Variants in LARP1 observed in about 807,000 individuals in gnomAD.
The protein encoded by LARP1 is La ribonucleoprotein 1, translational regulator.
In LARP1, 36 loss-of-function variants were observed where a neutral mutation model predicts 122.7. That is an observed-to-expected ratio of 0.29 (90% confidence interval 0.22 to 0.39). LARP1 has a LOEUF of 0.39. Ranked by LOEUF, LARP1 falls within the 10% of genes least tolerant of loss-of-function variation. The pLI, the probability that LARP1 is intolerant of heterozygous loss-of-function variation, is 1.00. For synonymous variants in LARP1, 539 were observed against 528.7 expected, an observed-to-expected ratio of 1.02 and a Z score of -0.27; for missense variants, 1,040 against 1,403.6, an observed-to-expected ratio of 0.74 and a Z score of 4.14.
At chr5:154,692,769 T>C (rs1054308599) in intron 1 of LARP1, among the ~76,000 whole-genome samples, 1 of 152,074 alleles carries the variant, frequency 6.6e-6, no homozygotes, top group African/African-American at 2.4e-5. Context: ...GCACGAAATA[T>C]AATTTGAAGA....
At position 154,765,059 on chromosome 5, in the gene LARP1, G is replaced by A. The variant is rs937020652; in HGVS notation, c.436+8866G>A. Among the ~76,000 whole-genome samples, 5 of 152,014 alleles carry A rather than the reference G, an allele frequency of 3.3e-5. No homozygotes were observed. The East Asian group carries it at 9.6e-4, about 29-fold the overall frequency. ...TGGTCTCCTATCACTCCTACTTAAAGCCCTCTGGTAACTTCTTAGCAGAGT... is the reference window on the plus strand; with the variant it reads ...TGGTCTCCTATCACTCCTACTTAAAACCCTCTGGTAACTTCTTAGCAGAGT... On this transcript the variant is annotated intron_variant, in intron 1 of 18. Transcript: ENST00000518297.
rs376824762 is a variant in LARP1, at chr5:154,713,174, G to T, written c.205+44G>T. The T allele has an allele frequency of 1.0e-5, 16 of 1,536,452 alleles. No individual in the cohort carries two copies. In the Admixed American group the frequency reaches 1.6e-4, roughly 15 times the overall value. ...CGTTTCTTGAACCTCAGGACAGCAG[G>T]GTGTGGTAGGAAGATCCTTCTCCCT... On this transcript the variant is annotated intron_variant, in intron 1 of 18. Coordinates refer to the LARP1 transcript ENST00000336314.
At chr5:154,764,017 A>G (rs1754697594) in intron 1 of LARP1, among the ~76,000 whole-genome samples, 1 of 151,128 alleles carries the variant, frequency 6.6e-6, no homozygotes, top group African/African-American at 2.4e-5. Context: ...TGTCTCAAAA[A>G]GAAAAAGCTG....
intron 1 of LARP1, among the ~76,000 whole-genome samples, chr5:154,777,740 G>T (rs1756036629): frequency 6.6e-6 from 1 of 151,948 alleles, no homozygotes; most frequent in Non-Finnish European, 1.5e-5. Context: ...TGGAGATGAT[G>T]GATACCCCAT....
intron 1 of LARP1, among the ~76,000 whole-genome samples, chr5:154,735,733 T>G (rs1756857913): frequency 9.5e-6 from 1 of 104,758 alleles, no homozygotes; most frequent in South Asian, 3.9e-4. Flanking sequence ...CATGCCCAGC[T>G]AATTTTTTTT....
chr5:154,745,106 T>C (rs1169352798), intron 1 of LARP1, among the ~76,000 whole-genome samples: 4 of 150,668 alleles, frequency 2.7e-5, no homozygotes, highest in Non-Finnish European at 5.9e-5. Flanking sequence ...TTCTGTATTT[T>C]TAATGGAGAC....
intron 1 of LARP1, among the ~76,000 whole-genome samples, chr5:154,726,738 A>G (rs1057356799): frequency 3.9e-5 from 6 of 152,212 alleles, no homozygotes; most frequent in African/African-American, 7.2e-5. Context: ...ATGAAGAAAG[A>G]CCTGAGACTG....
chr5:154,766,052 G>A (rs889504276), intron 1 of LARP1, among the ~76,000 whole-genome samples: 2 of 152,164 alleles, frequency 1.3e-5, no homozygotes, highest in African/African-American at 4.8e-5. Flanking sequence ...GAAATGGGAA[G>A]GATGAGTAGC....
At chr5:154,692,991 A>T (rs1549122) in intron 1 of LARP1, among the ~76,000 whole-genome samples, 78,372 of 130,952 alleles carry the variant, frequency 0.6, 21,764 homozygotes, top group African/African-American at 0.68. Flanking sequence ...ATTTTTAATT[A>T]TTTTTTTTTT....
intron 8 of LARP1, among the ~76,000 whole-genome samples, chr5:154,795,525 A>G (rs1051133491): frequency 1.3e-5 from 2 of 152,002 alleles, no homozygotes; most frequent in African/African-American, 4.8e-5. Flanking sequence ...ACACTTAACA[A>G]AAGTAGAGTA....
intron 1 of LARP1, among the ~76,000 whole-genome samples, chr5:154,744,760 C>T (rs1359459282): frequency 2.3e-5 from 3 of 130,532 alleles, no homozygotes; most frequent in Non-Finnish European, 3.2e-5. Context: ...GCCTCAGCCT[C>T]CCAAGTAGCT....
At chr5:154,780,087 C>A (rs114317289) in intron 1 of LARP1, among the ~76,000 whole-genome samples, 8 of 152,130 alleles carry the variant, frequency 5.3e-5, no homozygotes, top group Non-Finnish European at 1.0e-4. Context: ...AGTTGCTACT[C>A]GAGAACTCCA....
chr5:154,697,202 C>CTTT (rs11399407), intron 1 of LARP1, among the ~76,000 whole-genome samples: 7 of 141,586 alleles, frequency 4.9e-5, no homozygotes, highest in East Asian at 2.0e-4. Context: ...AGCTTTTTAT[C>CTTT]TTTTTTTTTT....
intron 1 of LARP1, among the ~76,000 whole-genome samples, chr5:154,768,040 T>C (rs1755094662): frequency 6.6e-6 from 1 of 152,184 alleles, no homozygotes; most frequent in African/African-American, 2.4e-5. Flanking sequence ...GCTGCTTGTC[T>C]TGAAATACAG....
At chr5:154,707,722 A>G (rs930103384) in intron 1 of LARP1, among the ~76,000 whole-genome samples, 1 of 152,108 alleles carries the variant, frequency 6.6e-6, no homozygotes, top group Non-Finnish European at 1.5e-5. Context: ...TAATATGTTC[A>G]ATTTTCTGCA....
At chr5:154,712,874 ATGT>A in exon 1 of LARP1, 4 of 1,525,840 alleles carry the variant, frequency 2.6e-6, no homozygotes, top group Non-Finnish European at 3.6e-6. Context: ...TGCGATCTGG[ATGT>A]ACCTAAACCC....
Position 154,803,639 on chromosome 5 carries a change from G to T in LARP1, c.2333G>T (p.Arg778Leu). 3.7e-6 allele frequency: 6 copies of T among 1,614,056 alleles called. No individual in the cohort carries two copies. The highest frequency in any genetic ancestry group is 5.1e-6 in the Non-Finnish European group (6 of 1,180,038). The part of the protein sequence containing the change: ...PTTVPESPNY[R>L]NTRTPRTPRT... Reference sequence around the variant, plus strand: ...ACTGTCCCAGAGTCACCAAACTACCGCAACACCAGGACCCCTCGCACTCCC... The same window carrying T: ...ACTGTCCCAGAGTCACCAAACTACCTCAACACCAGGACCCCTCGCACTCCC... Residue 778 changes from arginine (R) to leucine (L), a missense_variant, in exon 13 of 19, where the codon CGC (arginine) becomes CTC (leucine). By Grantham distance (102) the Arg-to-Leu change is moderately radical (BLOSUM62 -2). This residue lies in a region of LARP1 where 362 missense variants were observed against 533.1 expected (regional missense o/e 0.68). Coordinates refer to ENST00000518297, the MANE Select transcript of LARP1 (RefSeq NM_033551.3). The surrounding 1 kb of genome is among the most constrained non-coding windows in gnomAD (Gnocchi z 4.4).
At chr5:154,756,736 A>G (rs1472457722) in intron 1 of LARP1, among the ~76,000 whole-genome samples, 2 of 152,050 alleles carry the variant, frequency 1.3e-5, no homozygotes, top group Admixed American at 1.3e-4. Flanking sequence ...GGGAGATGAA[A>G]TTGGGCTTTA....
At chr5:154,775,493 C>CA (rs138027824) in intron 1 of LARP1, among the ~76,000 whole-genome samples, 8,159 of 100,124 alleles carry the variant, frequency 0.081, 296 homozygotes, top group African/African-American at 0.15. Context: ...GACCCTCCCT[C>CA]AAAAAAAAAA....
Sources: allele counts gnomAD v4.1 joint callset (sites outside exome capture counted in the v4.1 genomes callset), GRCh38; gene constraint gnomAD v4.1.1; regional missense constraint gnomAD v4.1.1; non-coding constraint Gnocchi (gnomAD v3.1); transcripts MANE v1.5; gene names NCBI Gene and HGNC (gene_info 2026-07-23, HGNC 2026-07-21).